The following LGI2 variants were observed in gnomAD, a reference collection of about 807,000 sequenced individuals.
The protein encoded by LGI2 is leucine rich repeat LGI family member 2.
In LGI2, 30 loss-of-function variants were observed where a neutral mutation model predicts 52.0. The observed-to-expected ratio is 0.58, with a 90% CI of 0.43 to 0.78. The LOEUF (loss-of-function observed/expected upper bound fraction) is 0.78. Among genes scored for constraint, LGI2 ranks in the 30% least tolerant of loss-of-function variants. The pLI is 0.00. For synonymous variants in LGI2, 270 were observed against 271.8 expected (o/e 0.99, Z 0.06); for missense variants, 573 against 692.5 (o/e 0.83, Z 1.94).
chr4:25,014,245 G>A (rs888774781), intron 6 of LGI2, among the ~76,000 whole-genome samples: 3 of 152,172 alleles, frequency 2.0e-5, no homozygotes, highest in Admixed American at 2.0e-4. Flanking sequence ...AAGGCAGGCT[G>A]TTTAAAGTGT....
chr4:24,999,347 T>C lies in LGI2; in HGVS notation c.*4104A>G, dbSNP rs1487042467. On this transcript the variant is annotated 3_prime_UTR_variant, in exon 8 of 8. Coordinates refer to ENST00000382114, the MANE Select transcript of LGI2 (RefSeq NM_018176.4). ...CTGGCTGAGGCAAAAGAAATCATCA[T>C]CCTTTTTTCCTTTTCTTTCAGTTTG... 6.5e-6 allele frequency: 1 copy of C among 152,742 alleles called. No individual in the cohort carries two copies. Among genetic ancestry groups the C allele is most frequent in the Non-Finnish European group, 1.5e-5 (1 of 68,490 alleles). The allele number at this position is 152,742 out of a possible 1,614,324, so 9.5% of individuals were successfully genotyped here. A position where few individuals can be genotyped will look rare whatever the true frequency, so the allele number is the denominator to read the frequency against.
rs551304255 is a variant in LGI2 at position 25,026,739 on chromosome 4, G to C, written c.341+129C>G. 11 of 741,908 alleles carry C rather than the reference G, an allele frequency of 1.5e-5. No individual in the cohort carries two copies. In the African/African-American group the frequency reaches 1.6e-4, roughly 11 times the overall value. The allele number at this position is 741,908 out of a possible 1,614,324, so 46.0% of individuals were successfully genotyped here. On this transcript the variant is annotated intron_variant, in intron 3 of 7. Transcript: ENST00000382114. The stretch of plus-strand genomic sequence containing the variant: ...AACTATAAAAGGTCAGTGCTGAAAA[G>C]AGAATGGGGTGTTCTCCAGTTTCTC...
At chr4:25,019,297 C>A (rs996381000) in intron 4 of LGI2, 59 bp from the exon 5 acceptor site, 8 of 1,115,212 alleles carry the variant, frequency 7.2e-6, no homozygotes, top group Non-Finnish European at 8.1e-6. Flanking sequence ...TCACTCTCAA[C>A]TCCCTTCAGA....
chr4:24,993,711 T>A, the LGI2 span, among the ~76,000 whole-genome samples: 2 of 152,248 alleles, frequency 1.3e-5, no homozygotes, highest in African/African-American at 4.8e-5. Context: ...TCCATTTTTT[T>A]CCATCCTCTG....
At chr4:25,011,511 CACTTGGTGCTTGGGAG>C (rs942274259) in intron 7 of LGI2, among the ~76,000 whole-genome samples, 2 of 152,034 alleles carry the variant, frequency 1.3e-5, no homozygotes, top group Non-Finnish European at 2.9e-5. Flanking sequence ...GCTGGGAAGC[CACTTGGTGCTTGGGAG>C]ACTCTTAGGA....
chr4:25,008,290 C>A (rs1205482329), intron 7 of LGI2, among the ~76,000 whole-genome samples: 2 of 152,170 alleles, frequency 1.3e-5, no homozygotes, highest in African/African-American at 4.8e-5. Flanking sequence ...CGTTGTCTCA[C>A]ACCTGTAATC....
chr4:25,024,750 CAG>C, intron 4 of LGI2, 68 bp downstream of exon 4: 1 of 1,044,210 alleles, frequency 9.6e-7, no homozygotes. Context: ...AGCCAAGAAA[CAG>C]AGAGGCTCCA....
chr4:25,027,116 T>A (rs1205761841), intron 2 of LGI2, among the ~76,000 whole-genome samples, 177 bp from the exon 3 acceptor site: 1 of 152,224 alleles, frequency 6.6e-6, no homozygotes, highest in Non-Finnish European at 1.5e-5. Context: ...TTAGAGACGA[T>A]GGCAAGTGGA....
In LGI2 at chr4:25,003,729, C is replaced by T. The variant is rs369502487; in HGVS notation, c.1360G>A (p.Val454Met). The stretch of plus-strand genomic sequence containing the variant: ...CGGGATGGAAGAGCTTGGATCTCCA[C>T]AAACTGCTTACTGTTCCACCTCATG... ...RVMRWNSKQF[V>M]EIQALPSRGA... Residue 454 changes from valine (V) to methionine (M), a missense_variant, in exon 8 of 8, where the codon GTG (valine) becomes ATG (methionine). Coordinates refer to ENST00000382114, the MANE Select transcript of LGI2 (RefSeq NM_018176.4). 69 of 1,614,052 alleles carry T rather than the reference C, an allele frequency of 4.3e-5. No individual in the cohort carries two copies. The highest frequency in any genetic ancestry group is 5.7e-5 in the Non-Finnish European group (67 of 1,180,032).
intron 7 of LGI2, among the ~76,000 whole-genome samples, chr4:25,009,055 T>C (rs897315512): frequency 6.6e-5 from 10 of 152,190 alleles, no homozygotes; most frequent in African/African-American, 2.4e-4. Context: ...TAAAAGACTA[T>C]GTTTGACCCG....
At position 25,003,156 on chromosome 4, in the gene LGI2, C is replaced by T. The variant is rs3796787; in HGVS notation, c.*295G>A. 4 of 232,990 alleles carry T rather than the reference C, an allele frequency of 1.7e-5. No individual in the cohort carries two copies. Among genetic ancestry groups the T allele is most frequent in the Non-Finnish European group, 2.4e-5 (3 of 122,666 alleles). The allele number at this position is 232,990 out of a possible 1,614,324, so 14.4% of individuals were successfully genotyped here. On this transcript the variant is annotated 3_prime_UTR_variant, in exon 8 of 8. Coordinates refer to ENST00000382114, the MANE Select transcript of LGI2 (RefSeq NM_018176.4). Reference sequence around the variant, plus strand: ...AATTGTCTTCTTCCTCATCAAAAAGCGGGGGGGAAGCATATTACATTTCTA... The same window carrying T: ...AATTGTCTTCTTCCTCATCAAAAAGTGGGGGGGAAGCATATTACATTTCTA...
chr4:24,996,478 G>A (rs562642971), downstream of LGI2, among the ~76,000 whole-genome samples: 2 of 152,308 alleles, frequency 1.3e-5, no homozygotes, highest in East Asian at 3.9e-4. Flanking sequence ...GTGACAATGT[G>A]TCCTGAATTC....
Position 25,022,891 on chromosome 4 carries a change from A to G in LGI2, c.413+1929T>C, listed in dbSNP as rs560664920. ...TGCCCAGAGCTTTTGCTCAAATATA[A>G]AGCCCTAATTCCTGACTTCTGGGAA... On this transcript the variant is annotated intron_variant, in intron 4 of 7. Coordinates refer to ENST00000382114, the MANE Select transcript of LGI2 (RefSeq NM_018176.4). Among the ~76,000 whole-genome samples the G allele has an allele frequency of 1.3e-5, 2 of 152,310 alleles. 1 individual carries two copies. The highest frequency in any genetic ancestry group is 4.1e-4 in the South Asian group (2 of 4,826).
intron 2 of LGI2, among the ~76,000 whole-genome samples, chr4:25,028,306 C>T (rs1454554032): frequency 2.0e-5 from 3 of 152,108 alleles, no homozygotes; most frequent in South Asian, 2.1e-4. Flanking sequence ...AAACAGGTAT[C>T]GAACTAAGGA....
intron 7 of LGI2, among the ~76,000 whole-genome samples, chr4:25,010,630 T>C (rs1239257339): frequency 6.6e-6 from 1 of 152,202 alleles, no homozygotes; most frequent in Non-Finnish European, 1.5e-5. Flanking sequence ...ACCTGAGCTC[T>C]TTCTAGTATG....
intron 7 of LGI2, 109 bp downstream of exon 7, chr4:25,012,226 C>T (rs1184985177): frequency 8.0e-7 from 1 of 1,253,914 alleles, no homozygotes; most frequent in Non-Finnish European, 1.1e-6. Context: ...CCAGCTCTAA[C>T]CAGGTTAGAG....
intron 4 of LGI2, among the ~76,000 whole-genome samples, chr4:25,023,360 G>A (rs1301177295): frequency 6.6e-6 from 1 of 152,180 alleles, no homozygotes; most frequent in African/African-American, 2.4e-5. Flanking sequence ...GGTTGAATCT[G>A]AAAAACAATA....
Position 25,000,732 on chromosome 4 carries a change from G to A in LGI2, c.*2719C>T, listed in dbSNP as rs1302866049. On this transcript the variant is annotated 3_prime_UTR_variant, in exon 8 of 8. Transcript: ENST00000382114. ...GTGATGGGAGGGAAAGTAGAAGAAA[G>A]ATCCACCCCCTCCTTCAAGCTGATC... is the stretch of plus-strand genomic sequence containing the variant. 4 of 152,234 alleles carry A rather than the reference G, an allele frequency of 2.6e-5. No individual in the cohort carries two copies. 9.4% of individuals were successfully genotyped at this position (152,234 alleles called of 1,614,324 possible).
chr4:25,012,071 C>T (rs1370965393), intron 7 of LGI2, among the ~76,000 whole-genome samples: 1 of 152,160 alleles, frequency 6.6e-6, no homozygotes, highest in Non-Finnish European at 1.5e-5. Context: ...CTCACCACTA[C>T]TAGAAAATGC....
Sources: allele counts gnomAD v4.1 joint callset (sites outside exome capture counted in the v4.1 genomes callset), GRCh38; gene constraint gnomAD v4.1.1; transcripts MANE v1.5; gene names NCBI Gene and HGNC (gene_info 2026-07-23, HGNC 2026-07-21).